The following NPTN variants were observed in gnomAD, a reference collection of about 807,000 sequenced individuals.
NPTN encodes the protein neuroplastin, also known as SDR-1.
NPTN carries 5 observed loss-of-function variants against 42.7 expected under a neutral mutation model. The observed-to-expected ratio is 0.12, with a 90% CI of 0.06 to 0.25. The LOEUF is 0.25. Ranked by LOEUF, NPTN falls within the 10% of genes least tolerant of loss-of-function variation. The pLI, the probability that NPTN is intolerant of heterozygous loss-of-function variation, is 1.00. For missense variants in NPTN, 307 were observed against 525.4 expected, an observed-to-expected ratio of 0.58 and a Z score of 4.06; for synonymous variants, 180 against 201.9, an observed-to-expected ratio of 0.89 and a Z score of 0.92.
intron 2 of NPTN, among the ~76,000 whole-genome samples, chr15:73,594,147 A>T (rs888621196): frequency 6.6e-6 from 1 of 152,222 alleles, no homozygotes; most frequent in African/African-American, 2.4e-5. Flanking sequence ...GTTTTTACTT[A>T]ATTTTTATTA....
At chr15:73,608,051 G>A (rs1897371748) in intron 1 of NPTN, among the ~76,000 whole-genome samples, 1 of 152,170 alleles carries the variant, frequency 6.6e-6, no homozygotes, top group African/African-American at 2.4e-5. Flanking sequence ...TGTGATCCAT[G>A]GCCAAAAGAA....
At chr15:73,565,843 C>G (rs1333699448) in intron 6 of NPTN, 4 of 455,204 alleles carry the variant, frequency 8.8e-6, no homozygotes, top group Non-Finnish European at 1.8e-5. Context: ...AGCCCTCACT[C>G]CCCCTATATC....
At chr15:73,587,433 G>A in intron 4 of NPTN, 91 bp downstream of exon 4, 2 of 884,704 alleles carry the variant, frequency 2.3e-6, no homozygotes, top group South Asian at 2.8e-5. Flanking sequence ...GACATGGAAA[G>A]AAGAGGAGCT....
rs368679392 is a variant in NPTN at position 73,568,341 on chromosome 15, T to G, written c.1114+1809A>C. The G allele has an allele frequency of 1.2e-5, 12 of 985,494 alleles. No individual in the cohort carries two copies. In the East Asian group the frequency reaches 7.9e-4, roughly 65 times the overall value. 61.0% of individuals were successfully genotyped at this position (985,494 alleles called of 1,614,324 possible). A position where few individuals can be genotyped will look rare whatever the true frequency, so the allele number is the denominator to read the frequency against. On this transcript the variant is annotated intron_variant, in intron 6 of 8. Transcript: ENST00000345330. Reference sequence around the variant, plus strand: ...TAAAAATCAGGTTCTGAAGTCCATCTCTGCCTTCTCTTACCTGACTTTTTA... The same window carrying G: ...TAAAAATCAGGTTCTGAAGTCCATCGCTGCCTTCTCTTACCTGACTTTTTA...
At chr15:73,579,056 G>A (rs908305688) in intron 4 of NPTN, among the ~76,000 whole-genome samples, 7 of 150,402 alleles carry the variant, frequency 4.7e-5, no homozygotes, top group African/African-American at 1.2e-4. Flanking sequence ...TGAGGCAGGC[G>A]GATCACGAGG....
At chr15:73,564,551 C>G (rs1438917103) in intron 6 of NPTN, among the ~76,000 whole-genome samples, 3 of 152,166 alleles carry the variant, frequency 2.0e-5, no homozygotes, top group African/African-American at 7.2e-5. Flanking sequence ...ACACTAGTGT[C>G]CACAGGAGTC....
At chr15:73,576,705 G>T (rs1432406645) in intron 4 of NPTN, among the ~76,000 whole-genome samples, 1 of 152,098 alleles carries the variant, frequency 6.6e-6, no homozygotes, top group Non-Finnish European at 1.5e-5. Context: ...TGCCCAACTC[G>T]TAAGTATTTG....
intron 1 of NPTN, among the ~76,000 whole-genome samples, chr15:73,605,101 G>GT (rs202194591): frequency 7.4e-6 from 1 of 135,070 alleles, no homozygotes; most frequent in Non-Finnish European, 1.6e-5. Context: ...CTGTCTCAAG[G>GT]GGGGGGGGGG....
chr15:73,570,653 G>A lies in NPTN; in HGVS notation c.841-230C>T, dbSNP rs1382266232. Reference sequence around the variant, plus strand: ...TCCTCCAGACTTCCCCGACTTCCACGAAGTGAGTGCAGGTCCTACTGCCTG... The same window carrying A: ...TCCTCCAGACTTCCCCGACTTCCACAAAGTGAGTGCAGGTCCTACTGCCTG... On this transcript the variant is annotated intron_variant, in intron 5 of 8. Transcript: ENST00000345330. The surrounding 1 kb of genome is among the most constrained non-coding windows in gnomAD (Gnocchi z 4.0). Among the ~76,000 whole-genome samples, 1 of 152,184 alleles carries A rather than the reference G, an allele frequency of 6.6e-6. No individual in the cohort carries two copies. Among genetic ancestry groups the A allele is most frequent in the East Asian group, 1.9e-4 (1 of 5,192 alleles).
chr15:73,598,486 A>C (rs1896929502), intron 1 of NPTN, among the ~76,000 whole-genome samples: 1 of 151,834 alleles, frequency 6.6e-6, no homozygotes, highest in East Asian at 1.9e-4. Flanking sequence ...AAAAAAAAAA[A>C]TCCAGGCTTA....
At chr15:73,581,461 C>A (rs1896040395) in intron 4 of NPTN, among the ~76,000 whole-genome samples, 1 of 152,168 alleles carries the variant, frequency 6.6e-6, no homozygotes, top group East Asian at 1.9e-4. Flanking sequence ...CTCAGGAATT[C>A]ATTCATTCTC....
intron 1 of NPTN, among the ~76,000 whole-genome samples, chr15:73,622,498 T>TAA (rs1566991032): frequency 1.3e-5 from 2 of 148,544 alleles, no homozygotes; most frequent in African/African-American, 5.0e-5. Context: ...GAGAATTGTT[T>TAA]TAAAAAAAAA....
intron 1 of NPTN, among the ~76,000 whole-genome samples, chr15:73,602,110 AGT>A (rs1897107712): frequency 1.3e-5 from 2 of 152,196 alleles, no homozygotes; most frequent in African/African-American, 4.8e-5. Context: ...GCCCTAAGGA[AGT>A]AAAAAAAGCT....
intron 1 of NPTN, among the ~76,000 whole-genome samples, chr15:73,600,494 T>C (rs1897037124): frequency 6.6e-6 from 1 of 152,220 alleles, no homozygotes; most frequent in Non-Finnish European, 1.5e-5. Flanking sequence ...TTCTTAAAGA[T>C]GTGGAAACTA....
intron 1 of NPTN, among the ~76,000 whole-genome samples, chr15:73,628,415 G>A (rs531446686): frequency 6.6e-6 from 1 of 152,230 alleles, no homozygotes; most frequent in South Asian, 2.1e-4. Flanking sequence ...ACAGTAAATT[G>A]AATAGAATAC....
intron 6 of NPTN, chr15:73,568,863 T>G: frequency 1.0e-6 from 1 of 985,520 alleles, no homozygotes; most frequent in Non-Finnish European, 1.2e-6. Flanking sequence ...CAGAGAGATT[T>G]ATAACTGCTG....
At position 73,591,782 on chromosome 15, in the gene NPTN, T is replaced by C; in HGVS notation, c.611+184A>G. 3 of 521,718 alleles carry C rather than the reference T, an allele frequency of 5.8e-6. No individual in the cohort carries two copies. In the East Asian group the frequency reaches 9.1e-5, roughly 16 times the overall value. 32.3% of individuals were successfully genotyped at this position (521,718 alleles called of 1,614,324 possible). ...TATGATTCTCCAATCTGGCTGCTCATTAGAATCCTTTGGGAATCTTTTCTA... is the reference window on the plus strand; with the variant it reads ...TATGATTCTCCAATCTGGCTGCTCACTAGAATCCTTTGGGAATCTTTTCTA... On this transcript the variant is annotated intron_variant, in intron 3 of 8. Coordinates refer to ENST00000345330, the MANE Select transcript of NPTN (RefSeq NM_012428.4).
intron 6 of NPTN, chr15:73,565,722 A>G (rs1167633633): frequency 2.2e-6 from 1 of 456,410 alleles, no homozygotes. Context: ...CTGGGGGGAT[A>G]ATGGAAACAA....
intron 7 of NPTN, among the ~76,000 whole-genome samples, chr15:73,562,244 T>C (rs1373529432): frequency 6.6e-6 from 1 of 152,202 alleles, no homozygotes; most frequent in African/African-American, 2.4e-5. Flanking sequence ...GCATCCCTAA[T>C]CTGAAAATCC....
Sources: gnomAD v4.1 joint callset for allele counts (sites outside exome capture counted in the v4.1 genomes callset) on GRCh38, gnomAD v4.1.1 for gene constraint, Gnocchi (gnomAD v3.1) non-coding constraint, MANE v1.5 for transcripts, NCBI Gene and HGNC (gene_info 2026-07-23, HGNC 2026-07-21) for gene names.